The following DAB1 variants were observed in gnomAD, a reference collection of about 807,000 sequenced individuals.
The protein encoded by DAB1 is DAB adaptor protein 1.
Under a neutral mutation model 64.6 loss-of-function variants are expected in DAB1, and 15 were observed. The observed-to-expected ratio is 0.23, with a 90% CI of 0.16 to 0.36. The LOEUF (loss-of-function observed/expected upper bound fraction) is 0.36. DAB1 is among the 10% of genes least tolerant of loss of function. The pLI is 1.00. For missense variants in DAB1, 596 were observed against 706.7 expected (o/e 0.84, Z 1.78); for synonymous variants, 235 against 251.9 (o/e 0.93, Z 0.64).
chr1:57,546,660 C>T (rs1644859930), intron 7 of DAB1, among the ~76,000 whole-genome samples: 1 of 152,164 alleles, frequency 6.6e-6, no homozygotes, highest in Non-Finnish European at 1.5e-5. Context: ...GACAGTCACG[C>T]ACTGCATAAT....
At chr1:57,424,591 T>C (rs893281223), upstream of DAB1, among the ~76,000 whole-genome samples, 1 of 152,208 alleles carries the variant, frequency 6.6e-6, no homozygotes, top group Non-Finnish European at 1.5e-5. Flanking sequence ...TCTACCCTTT[T>C]ATCCAAGCCT....
chr1:58,174,128 C>T (rs975424077), intron 4 of DAB1, among the ~76,000 whole-genome samples: 2 of 152,190 alleles, frequency 1.3e-5, no homozygotes, highest in Non-Finnish European at 2.9e-5. Context: ...GACTCTGCAC[C>T]TTCTTAGGGG....
intron 7 of DAB1, among the ~76,000 whole-genome samples, chr1:57,585,889 C>G (rs1295565295): frequency 6.6e-6 from 1 of 152,116 alleles, no homozygotes; most frequent in Non-Finnish European, 1.5e-5. Flanking sequence ...TTTTTTCAAC[C>G]ATTCACTTGA....
intron 8 of DAB1, among the ~76,000 whole-genome samples, chr1:57,067,331 C>G (rs1399703441): frequency 6.6e-6 from 1 of 151,962 alleles, no homozygotes; most frequent in Non-Finnish European, 1.5e-5. Context: ...CTGAGAGCAG[C>G]CTTAGGATTT....
At chr1:58,203,398 C>A (rs1296136890) in intron 4 of DAB1, among the ~76,000 whole-genome samples, 2 of 152,232 alleles carry the variant, frequency 1.3e-5, no homozygotes, top group Admixed American at 6.5e-5. Flanking sequence ...TTAAGACTTA[C>A]TTCAGGGTTC....
chr1:57,296,317 A>G (rs1673188414), intron 1 of DAB1, among the ~76,000 whole-genome samples: 1 of 152,192 alleles, frequency 6.6e-6, no homozygotes, highest in Admixed American at 6.6e-5. Context: ...GTATGAATGT[A>G]TATATGTGTT....
At chr1:57,161,655 A>G (rs2100887187) in intron 2 of DAB1, among the ~76,000 whole-genome samples, 1 of 152,362 alleles carries the variant, frequency 6.6e-6, no homozygotes, top group South Asian at 2.1e-4. Context: ...GTTCTTTTAA[A>G]CAAGTGCTTT....
At chr1:58,397,212 G>T (rs545447979) in intron 3 of DAB1, among the ~76,000 whole-genome samples, 1 of 152,220 alleles carries the variant, frequency 6.6e-6, no homozygotes, top group Non-Finnish European at 1.5e-5. Context: ...GAGCTGAGAA[G>T]ATTCACAGAA....
At chr1:57,628,858 C>A (rs1645954342) in intron 7 of DAB1, among the ~76,000 whole-genome samples, 1 of 152,114 alleles carries the variant, frequency 6.6e-6, no homozygotes, top group Non-Finnish European at 1.5e-5. Context: ...CAATATTTCC[C>A]AAGATGCTTT....
chr1:57,428,784 G>A (rs567017528), upstream of DAB1, among the ~76,000 whole-genome samples: 8 of 140,318 alleles, frequency 5.7e-5, no homozygotes, highest in South Asian at 2.4e-4. Flanking sequence ...CACCAACAGC[G>A]TACAAAGGTT....
At chr1:57,398,196 T>C (rs1010172746) in intron 1 of DAB1, among the ~76,000 whole-genome samples, 1 of 152,220 alleles carries the variant, frequency 6.6e-6, no homozygotes, top group African/African-American at 2.4e-5. Flanking sequence ...GAGAGAATTA[T>C]AAAGTGAAAG....
At chr1:58,305,155 C>G (rs1225086896) in intron 4 of DAB1, among the ~76,000 whole-genome samples, 9 of 152,016 alleles carry the variant, frequency 5.9e-5, no homozygotes, top group African/African-American at 2.2e-4. Context: ...CAGTCTTGAG[C>G]CCCTGGGTTC....
intron 4 of DAB1, among the ~76,000 whole-genome samples, chr1:58,243,732 G>C (rs1486563963): frequency 6.6e-6 from 1 of 151,970 alleles, no homozygotes; most frequent in African/African-American, 2.4e-5. Flanking sequence ...CAAATCACAA[G>C]GATCACAACT....
chr1:58,047,949 A>C (rs146973046), intron 5 of DAB1: 2 of 478,686 alleles, frequency 4.2e-6, no homozygotes, highest in Non-Finnish European at 7.6e-6. Context: ...GGAATGCTTT[A>C]CACTTTCCAC....
At chr1:58,167,345 G>C (rs1244485080) in intron 4 of DAB1, among the ~76,000 whole-genome samples, 1 of 151,906 alleles carries the variant, frequency 6.6e-6, no homozygotes, top group Non-Finnish European at 1.5e-5. Context: ...GATTGTAAAT[G>C]CACCAATCAG....
At chr1:58,141,494 G>A (rs1295709671) in intron 5 of DAB1, among the ~76,000 whole-genome samples, 4 of 152,016 alleles carry the variant, frequency 2.6e-5, no homozygotes, top group Non-Finnish European at 5.9e-5. Context: ...ATTTGCGTAG[G>A]GACACAGCCA....
chr1:57,893,467 T>A (rs887870579), intron 5 of DAB1, among the ~76,000 whole-genome samples: 19 of 152,244 alleles, frequency 1.2e-4, no homozygotes, highest in Middle Eastern at 3.4e-3. Context: ...TCACTGGAAT[T>A]CTCTGTGCCT....
chr1:58,059,894 C>T (rs1648380928), intron 5 of DAB1, among the ~76,000 whole-genome samples: 1 of 152,238 alleles, frequency 6.6e-6, no homozygotes, highest in African/African-American at 2.4e-5. Context: ...CCAGAGGCTA[C>T]ACTCACGGTC....
chr1:57,318,553 G>A (rs542854559), intron 1 of DAB1, among the ~76,000 whole-genome samples: 1 of 152,164 alleles, frequency 6.6e-6, no homozygotes, highest in South Asian at 2.1e-4. Context: ...CTAGTTCCCT[G>A]CTGCCTTGTA....
Sources: gnomAD v4.1 joint callset for allele counts (sites outside exome capture counted in the v4.1 genomes callset) on GRCh38, gnomAD v4.1.1 for gene constraint, MANE v1.5 for transcripts, NCBI Gene and HGNC (gene_info 2026-07-23, HGNC 2026-07-21) for gene names.